The following SGCZ variants were observed in gnomAD, a reference collection of about 807,000 sequenced individuals.
SGCZ encodes zeta-sarcoglycan.
SGCZ carries 40 observed loss-of-function variants against 41.3 expected under a neutral mutation model. That is an observed-to-expected ratio of 0.97 (90% CI 0.75 to 1.26). The LOEUF is 1.26. Ranked by LOEUF, SGCZ falls within the 50% of genes most tolerant of loss-of-function variation. The pLI, the probability that SGCZ is intolerant of heterozygous loss-of-function variation, is 0.00. For synonymous variants in SGCZ, 206 were observed against 137.5 expected, an observed-to-expected ratio of 1.50 and a Z score of -3.49; for missense variants, 552 against 369.8, an observed-to-expected ratio of 1.49 and a Z score of -4.04.
intron 1 of SGCZ, among the ~76,000 whole-genome samples, chr8:14,711,790 C>G (rs1264350296): frequency 6.6e-6 from 1 of 152,046 alleles, no homozygotes. Context: ...TTATCTGGTA[C>G]GTTCTGATAG....
intron 1 of SGCZ, among the ~76,000 whole-genome samples, chr8:14,660,744 G>A (rs1032652391): frequency 6.6e-6 from 1 of 151,960 alleles, no homozygotes; most frequent in Non-Finnish European, 1.5e-5. Flanking sequence ...AGGTCTTACT[G>A]GGAAAGCTTG....
chr8:14,575,685 C>T (rs1054742617), intron 1 of SGCZ, among the ~76,000 whole-genome samples: 5 of 151,786 alleles, frequency 3.3e-5, no homozygotes, highest in Non-Finnish European at 7.4e-5. Flanking sequence ...GGTAGGTGGA[C>T]CACCTGAGGT....
chr8:14,550,193 T>C (rs73192324), intron 2 of SGCZ, among the ~76,000 whole-genome samples: 20,472 of 151,862 alleles, frequency 0.13, 1,626 homozygotes, highest in South Asian at 0.19. Flanking sequence ...GATTTGTTCA[T>C]TCAGTGAAAT....
intron 1 of SGCZ, among the ~76,000 whole-genome samples, chr8:15,159,174 A>C (rs1799423579): frequency 6.6e-6 from 1 of 152,174 alleles, no homozygotes; most frequent in Non-Finnish European, 1.5e-5. Context: ...CTCTATAAAA[A>C]TCCAAGAGCA....
chr8:14,876,599 C>T lies in SGCZ; in HGVS notation c.40-321673G>A, dbSNP rs118075315. ...TTTGATGGTGTATGAAATATCTCGCCGTAAAGCTCTAAAACGAAGTAATAT... is the reference window on the plus strand; with the variant it reads ...TTTGATGGTGTATGAAATATCTCGCTGTAAAGCTCTAAAACGAAGTAATAT... On this transcript the variant is annotated intron_variant, in intron 1 of 7. Transcript: ENST00000382080. Among the ~76,000 whole-genome samples the T allele has an allele frequency of 6.3e-3, 965 of 152,136 alleles. 5 individuals carry two copies. The highest frequency in any genetic ancestry group is 7.9e-3 in the Non-Finnish European group (538 of 68,000).
At chr8:14,406,065 C>T (rs1799204348) in intron 2 of SGCZ, among the ~76,000 whole-genome samples, 2 of 151,794 alleles carry the variant, frequency 1.3e-5, no homozygotes, top group South Asian at 4.1e-4. Flanking sequence ...CAAATATATG[C>T]ATGATCTCAT....
rs117372217 is a variant in SGCZ at position 14,248,300 on chromosome 8, G to C, written c.337-10621C>G. The stretch of plus-strand genomic sequence containing the variant: ...TACATAAAAAGCTTGTGAAACTTTT[G>C]AAACTACTGGCTACCATGATCTTAA... On this transcript the variant is annotated intron_variant, in intron 3 of 7. Transcript: ENST00000382080. Among the ~76,000 whole-genome samples, 174 of 152,216 alleles carry C rather than the reference G, an allele frequency of 1.1e-3. 2 individuals are homozygous for C. The East Asian group carries it at 0.026, about 23-fold the overall frequency.
chr8:15,162,178 T>C (rs887984199), intron 1 of SGCZ, among the ~76,000 whole-genome samples: 1 of 152,198 alleles, frequency 6.6e-6, no homozygotes, highest in African/African-American at 2.4e-5. Flanking sequence ...CAAGAGGAAA[T>C]GTTTTGTTAG....
At chr8:14,317,602 C>G (rs892175198) in intron 3 of SGCZ, among the ~76,000 whole-genome samples, 7 of 151,712 alleles carry the variant, frequency 4.6e-5, no homozygotes, top group African/African-American at 1.7e-4. Flanking sequence ...CATTAAATGA[C>G]TAACAGGAAA....
chr8:15,136,727 G>C (rs1808120088), intron 1 of SGCZ, among the ~76,000 whole-genome samples: 1 of 152,098 alleles, frequency 6.6e-6, no homozygotes, highest in African/African-American at 2.4e-5. Context: ...ATGATTGTAA[G>C]TTTCCTGAGG....
intron 2 of SGCZ, among the ~76,000 whole-genome samples, chr8:14,438,750 A>C (rs1800161895): frequency 6.6e-6 from 1 of 152,054 alleles, no homozygotes; most frequent in African/African-American, 2.4e-5. Context: ...GAAATAGCTT[A>C]AAATATCACT....
chr8:14,971,899 C>A (rs927407962), intron 1 of SGCZ, among the ~76,000 whole-genome samples: 1 of 151,964 alleles, frequency 6.6e-6, no homozygotes, highest in Non-Finnish European at 1.5e-5. Context: ...CACCCTGCCT[C>A]GGCCTCCCAT....
intron 3 of SGCZ, among the ~76,000 whole-genome samples, chr8:14,259,663 G>A (rs1036725404): frequency 1.2e-4 from 16 of 137,518 alleles, no homozygotes; most frequent in African/African-American, 3.8e-4. Flanking sequence ...CTGTTCCATT[G>A]ATCTATATTT....
intron 1 of SGCZ, among the ~76,000 whole-genome samples, chr8:15,156,887 G>T (rs916184575): frequency 6.7e-6 from 1 of 149,890 alleles, no homozygotes; most frequent in African/African-American, 2.5e-5. Flanking sequence ...GGAGGTGGCA[G>T]TAAGCCGAGC....
chr8:14,230,656 G>C (rs183307880), intron 4 of SGCZ, among the ~76,000 whole-genome samples: 1 of 151,626 alleles, frequency 6.6e-6, no homozygotes, highest in Non-Finnish European at 1.5e-5. Flanking sequence ...TACATCATAT[G>C]ATTGTCCCCA....
intron 1 of SGCZ, among the ~76,000 whole-genome samples, chr8:14,701,727 T>A (rs1809144177): frequency 6.6e-6 from 1 of 151,774 alleles, no homozygotes; most frequent in Non-Finnish European, 1.5e-5. Context: ...CTTCTTTCTC[T>A]CACCAGCATC....
chr8:14,209,147 A>G (rs963465563), intron 4 of SGCZ, among the ~76,000 whole-genome samples: 5 of 152,214 alleles, frequency 3.3e-5, no homozygotes. Context: ...CCATTTGCAT[A>G]TTAGTGCGGG....
intron 1 of SGCZ, among the ~76,000 whole-genome samples, chr8:15,005,877 G>A (rs1563429969): frequency 6.6e-6 from 1 of 152,094 alleles, no homozygotes; most frequent in Non-Finnish European, 1.5e-5. Context: ...AGATTCTTAG[G>A]AATAATTGCT....
At chr8:15,031,976 T>C (rs1411042730) in intron 1 of SGCZ, among the ~76,000 whole-genome samples, 4 of 151,046 alleles carry the variant, frequency 2.6e-5, no homozygotes, top group Non-Finnish European at 3.0e-5. Context: ...TAACCCAGTT[T>C]CATTTTTGCA....
Sources: gnomAD v4.1 joint callset for allele counts (sites outside exome capture counted in the v4.1 genomes callset) on GRCh38, gnomAD v4.1.1 for gene constraint, MANE v1.5 for transcripts, NCBI Gene and HGNC (gene_info 2026-07-23, HGNC 2026-07-21) for gene names.